The following UHRF2 variants were observed in gnomAD, a reference collection of about 807,000 sequenced individuals.
UHRF2 encodes ubiquitin like with PHD and ring finger domains 2.
A neutral mutation model predicts 96.8 loss-of-function variants in UHRF2; 23 were observed. The ratio of observed to expected loss-of-function variants is 0.24; its 90% CI spans 0.17 to 0.34. The LOEUF is 0.34. Among genes scored for constraint, UHRF2 ranks in the 10% least tolerant of loss-of-function variants. UHRF2 has a pLI of 1.00. For missense variants in UHRF2, 685 were observed against 981.5 expected, an observed-to-expected ratio of 0.70 and a Z score of 4.04; for synonymous variants, 385 against 332.6, an observed-to-expected ratio of 1.16 and a Z score of -1.72.
intron 9 of UHRF2, among the ~76,000 whole-genome samples, chr9:6,487,464 T>G (rs1258820389): frequency 6.6e-6 from 1 of 152,178 alleles, no homozygotes; most frequent in Non-Finnish European, 1.5e-5. Flanking sequence ...CCTCCCAGAT[T>G]CAAGCGATTC....
intron 1 of UHRF2, among the ~76,000 whole-genome samples, chr9:6,417,366 G>A (rs890546786): frequency 6.6e-6 from 1 of 152,134 alleles, no homozygotes; most frequent in South Asian, 2.1e-4. Context: ...TTGCTTTTGA[G>A]ACATTGATGG....
chr9:6,469,715 CATAT>C (rs1213727136), intron 4 of UHRF2, among the ~76,000 whole-genome samples: 1 of 90,998 alleles, frequency 1.1e-5, no homozygotes, highest in African/African-American at 8.0e-5. Flanking sequence ...CATATACACA[CATAT>C]ATGTGCATAT....
chr9:6,476,058 A>G (rs1410278242), intron 5 of UHRF2, among the ~76,000 whole-genome samples: 1 of 152,186 alleles, frequency 6.6e-6, no homozygotes, highest in African/African-American at 2.4e-5. Flanking sequence ...AGACTCTGAT[A>G]ACCATCATCA....
At chr9:6,439,719 A>G (rs1199103983) in intron 3 of UHRF2, among the ~76,000 whole-genome samples, 1 of 152,212 alleles carries the variant, frequency 6.6e-6, no homozygotes, top group South Asian at 2.1e-4. Context: ...CTAGAGATTT[A>G]GATTTCAAGG....
chr9:6,457,837 G>A (rs1214574676), intron 3 of UHRF2, among the ~76,000 whole-genome samples: 1 of 152,206 alleles, frequency 6.6e-6, no homozygotes, highest in Non-Finnish European at 1.5e-5. Context: ...AACCAGCCTT[G>A]CATCCCAGGG....
chr9:6,500,556 C>A lies in UHRF2; in HGVS notation c.2010C>A (p.Asp670Glu). Residue 670 changes from aspartate to glutamate, a missense_variant, in exon 14 of 16, where the codon GAC becomes GAA. By Grantham distance (45) the Asp-to-Glu change is conservative. Coordinates refer to ENST00000276893, the MANE Select transcript of UHRF2 (RefSeq NM_152896.3). Reference protein sequence around the residue: ...GTTKRPISDDDCPSASKVYKA... With the variant: ...GTTKRPISDDECPSASKVYKA... ...ACATTTTTAAAATAAATCTAGATGA[C>A]TGTCCAAGTGCCTCCAAAGTGTACA... 3 of 1,607,176 alleles carry A rather than the reference C, an allele frequency of 1.9e-6. No homozygotes were observed. In the South Asian group the frequency reaches 3.3e-5, roughly 18 times the overall value.
At chr9:6,457,724 A>C (rs1416303019) in intron 3 of UHRF2, among the ~76,000 whole-genome samples, 2 of 152,140 alleles carry the variant, frequency 1.3e-5, no homozygotes, top group Non-Finnish European at 2.9e-5. Context: ...GAAGGGGTTG[A>C]ATTTTGTAGA....
In UHRF2 at chr9:6,460,681, T is replaced by C. The variant is rs769821842; in HGVS notation, c.753T>C (p.Asn251=). 7.4e-6 allele frequency: 12 copies of C among 1,613,818 alleles called. No homozygotes were observed. In the East Asian group the frequency reaches 2.7e-4, roughly 36 times the overall value. The change falls in exon 4 of 16, where the codon AAT becomes AAC. Residue 251 remains asparagine, a synonymous_variant. Coordinates refer to ENST00000276893, the MANE Select transcript of UHRF2 (RefSeq NM_152896.3). The part of the protein sequence containing the change: ...ELNVGDVVMV[N]YNVESPGQRG... ...ATGTTGGTGATGTGGTAATGGTTAA[T>C]TATAATGTAGAAAGTCCTGGACAAA...
intron 3 of UHRF2, among the ~76,000 whole-genome samples, chr9:6,442,801 T>C (rs1179822578): frequency 6.6e-6 from 1 of 152,132 alleles, no homozygotes; most frequent in African/African-American, 2.4e-5. Context: ...TGGCACGAAC[T>C]TCATGATGAT....
intron 4 of UHRF2, among the ~76,000 whole-genome samples, chr9:6,472,886 A>AT (rs113575776): frequency 5.7e-4 from 87 of 152,320 alleles, no homozygotes; most frequent in African/African-American, 2.0e-3. Flanking sequence ...AAGACACATA[A>AT]TTTTTTTAAA....
chr9:6,487,185 T>TATTTTTTA (rs1563799233), intron 9 of UHRF2, among the ~76,000 whole-genome samples: 5 of 117,082 alleles, frequency 4.3e-5, no homozygotes, highest in African/African-American at 1.4e-4. Flanking sequence ...TTTTTTCCTT[T>TATTTTTTA]TTTTTTTTTT....
At chr9:6,473,780 A>G (rs1360165198) in intron 4 of UHRF2, among the ~76,000 whole-genome samples, 4 of 152,360 alleles carry the variant, frequency 2.6e-5, no homozygotes, top group African/African-American at 7.2e-5. Context: ...CAAAAATCAG[A>G]TGGCATAACT....
chr9:6,482,490 C>CAAAT (rs1447036578), intron 8 of UHRF2, among the ~76,000 whole-genome samples: 1 of 151,926 alleles, frequency 6.6e-6, no homozygotes, highest in Admixed American at 6.6e-5. Flanking sequence ...TCCTCCTGAA[C>CAAAT]AAATGCTAAG....
At chr9:6,413,783 G>T in intron 1 of UHRF2, 140 bp downstream of exon 1, 1 of 1,127,368 alleles carries the variant, frequency 8.9e-7, no homozygotes, top group Non-Finnish European at 1.2e-6. Flanking sequence ...CCCCCGCGAG[G>T]CGCGGGGTGC....
chr9:6,423,717 G>A (rs1019330522), intron 2 of UHRF2, among the ~76,000 whole-genome samples: 7 of 151,618 alleles, frequency 4.6e-5, no homozygotes, highest in African/African-American at 1.5e-4. Context: ...AGGCCGAGGC[G>A]GGTGGATCAT....
At chr9:6,475,778 G>A (rs1424820722) in intron 5 of UHRF2, among the ~76,000 whole-genome samples, 1 of 151,932 alleles carries the variant, frequency 6.6e-6, no homozygotes, top group East Asian at 1.9e-4. Context: ...GATATTTAAG[G>A]AGTATATGTG....
rs770327923 is a variant in UHRF2 at position 6,500,532 on chromosome 9, C to G, written c.2006-20C>G. 2.5e-6 allele frequency: 4 copies of G among 1,597,472 alleles called. No individual in the cohort carries two copies. The African/African-American group carries it at 5.4e-5, about 22-fold the overall frequency. ...AGAACCACTTGTAAGTCTGCTGATA[C>G]ATTTTTAAAATAAATCTAGATGACT... On this transcript the variant is annotated intron_variant, in intron 13 of 15. Transcript: ENST00000276893.
Position 6,441,560 on chromosome 9 carries a change from T to A in UHRF2, c.644+7387T>A, listed in dbSNP as rs545395563. Among the ~76,000 whole-genome samples the A allele has an allele frequency of 3.3e-5, 5 of 152,304 alleles. No individual in the cohort carries two copies. The East Asian group carries it at 9.6e-4, about 29-fold the overall frequency. On this transcript the variant is annotated intron_variant, in intron 3 of 15. Transcript: ENST00000276893. ...GAACAAATCATTGATAAATTCCTTT[T>A]GACCCAGCCTTATCCATTACTATCA... is the stretch of plus-strand genomic sequence containing the variant.
intron 3 of UHRF2, among the ~76,000 whole-genome samples, chr9:6,452,483 T>C (rs1382768874): frequency 2.0e-5 from 3 of 152,176 alleles, no homozygotes; most frequent in Non-Finnish European, 2.9e-5. Context: ...TTTAAGTAGG[T>C]CTGTGTCTTA....
Sources: allele counts gnomAD v4.1 joint callset (sites outside exome capture counted in the v4.1 genomes callset), GRCh38; gene constraint gnomAD v4.1.1; transcripts MANE v1.5; gene names NCBI Gene and HGNC (gene_info 2026-07-23, HGNC 2026-07-21).